Variants in COMMD10 observed in about 807,000 individuals in gnomAD.
COMMD10 encodes COMM domain-containing protein 10.
COMMD10 carries 33 observed loss-of-function variants against 28.9 expected under a neutral mutation model. The observed-to-expected ratio is 1.14, with a 90% CI of 0.87 to 1.53. The LOEUF is 1.53. Ranked by LOEUF, COMMD10 falls within the 40% of genes most tolerant of loss-of-function variation. The pLI, the probability that COMMD10 is intolerant of heterozygous loss-of-function variation, is 0.00. For synonymous variants in COMMD10, 110 were observed against 81.7 expected, an observed-to-expected ratio of 1.35 and a Z score of -1.87; for missense variants, 310 against 233.4, an observed-to-expected ratio of 1.33 and a Z score of -2.14.
intron 5 of COMMD10, among the ~76,000 whole-genome samples, chr5:116,155,668 A>G (rs551380181): frequency 4.1e-4 from 63 of 152,048 alleles, no homozygotes; most frequent in African/African-American, 1.5e-3. Context: ...GAATTCTAAC[A>G]TAGTTGTTTT....
chr5:116,119,041 T>C (rs1038712344), intron 4 of COMMD10, among the ~76,000 whole-genome samples: 8 of 152,234 alleles, frequency 5.3e-5, no homozygotes, highest in Non-Finnish European at 1.2e-4. Flanking sequence ...AGAACATTTG[T>C]TGAATGACAT....
chr5:116,175,149 C>T (rs1172900605), intron 5 of COMMD10, among the ~76,000 whole-genome samples: 2 of 152,036 alleles, frequency 1.3e-5, no homozygotes, highest in African/African-American at 2.4e-5. Context: ...CTTTCTATCT[C>T]CTTACCTTGT....
intron 2 of COMMD10, among the ~76,000 whole-genome samples, 158 bp from the exon 3 acceptor site, chr5:116,090,921 C>T (rs1054771889): frequency 6.6e-6 from 1 of 152,188 alleles, no homozygotes; most frequent in South Asian, 2.1e-4. Flanking sequence ...AAATGAGCAT[C>T]ATATGTTTTA....
At position 116,152,664 on chromosome 5, in the gene COMMD10, C is replaced by G. The variant is rs1211597195; in HGVS notation, c.510+18486C>G. On this transcript the variant is annotated intron_variant, in intron 5 of 6. Transcript: ENST00000274458. ...TAAAACATCTTTTAAAAATATGCTGCTAGTTACAGCATGGTCTTTTTTTAA... is the reference window on the plus strand; with the variant it reads ...TAAAACATCTTTTAAAAATATGCTGGTAGTTACAGCATGGTCTTTTTTTAA... 3.3e-5 allele frequency among the ~76,000 whole-genome samples: 5 copies of G among 151,752 alleles called. No individual in the cohort carries two copies. In the East Asian group the frequency reaches 7.9e-4, roughly 24 times the overall value.
At chr5:116,272,628 T>C (rs1350141666) in intron 5 of COMMD10, among the ~76,000 whole-genome samples, 2 of 151,836 alleles carry the variant, frequency 1.3e-5, no homozygotes, top group African/African-American at 4.9e-5. Flanking sequence ...ATCATACTGG[T>C]AATGCCATAT....
At chr5:116,123,274 A>G (rs1183541107) in intron 4 of COMMD10, among the ~76,000 whole-genome samples, 1 of 152,188 alleles carries the variant, frequency 6.6e-6, no homozygotes, top group Non-Finnish European at 1.5e-5. Flanking sequence ...TGATTTTAGC[A>G]TGAAGGGCTG....
At chr5:116,144,478 T>C (rs1483142845) in intron 5 of COMMD10, among the ~76,000 whole-genome samples, 1 of 147,442 alleles carries the variant, frequency 6.8e-6, no homozygotes, top group Non-Finnish European at 1.5e-5. Flanking sequence ...AAAGTGATGG[T>C]GCTATAATTT....
At chr5:116,153,205 A>C (rs1752594974) in intron 5 of COMMD10, among the ~76,000 whole-genome samples, 1 of 152,142 alleles carries the variant, frequency 6.6e-6, no homozygotes, top group Admixed American at 6.6e-5. Flanking sequence ...GATAAGTTTA[A>C]AAATACAAAT....
intron 5 of COMMD10, among the ~76,000 whole-genome samples, chr5:116,286,972 T>C (rs1042212571): frequency 7.9e-5 from 12 of 151,864 alleles, no homozygotes; most frequent in African/African-American, 2.4e-4. Context: ...ACTATTATTG[T>C]GTTGTTGTCA....
intron 5 of COMMD10, among the ~76,000 whole-genome samples, chr5:116,257,204 C>A (rs1750311953): frequency 7.4e-6 from 1 of 135,948 alleles, no homozygotes; most frequent in South Asian, 2.2e-4. Flanking sequence ...CACATAAGGC[C>A]ACTTACGGAA....
At position 116,156,646 on chromosome 5, in the gene COMMD10, T is replaced by C. The variant is rs564883055; in HGVS notation, c.510+22468T>C. 3.3e-5 allele frequency among the ~76,000 whole-genome samples: 5 copies of C among 152,318 alleles called. No individual in the cohort carries two copies. The South Asian group carries it at 1.0e-3, about 32-fold the overall frequency. ...TCTTTTAGTCTAGGTGGTATCACTTTGGCCAGTACAACTCTTAGAATTTTT... is the reference window on the plus strand; with the variant it reads ...TCTTTTAGTCTAGGTGGTATCACTTCGGCCAGTACAACTCTTAGAATTTTT... On this transcript the variant is annotated intron_variant, in intron 5 of 6. Coordinates refer to ENST00000274458, the MANE Select transcript of COMMD10 (RefSeq NM_016144.4).
intron 5 of COMMD10, among the ~76,000 whole-genome samples, chr5:116,266,449 A>T (rs1750586191): frequency 1.3e-5 from 2 of 151,740 alleles, no homozygotes; most frequent in South Asian, 4.1e-4. Context: ...AAAATATTGT[A>T]AAATATTTTA....
At chr5:116,113,825 G>A (rs576056490) in intron 4 of COMMD10, among the ~76,000 whole-genome samples, 97 of 151,908 alleles carry the variant, frequency 6.4e-4, no homozygotes, top group Non-Finnish European at 1.3e-3. Context: ...GAATTATTGT[G>A]TTCCTTTGAT....
intron 4 of COMMD10, among the ~76,000 whole-genome samples, chr5:116,116,713 T>C (rs1397408753): frequency 1.4e-5 from 2 of 143,216 alleles, no homozygotes; most frequent in African/African-American, 5.4e-5. Flanking sequence ...ATTTTTTTTT[T>C]TTTTTTTTTT....
At chr5:116,250,572 A>T (rs753024528) in intron 5 of COMMD10, among the ~76,000 whole-genome samples, 1 of 151,914 alleles carries the variant, frequency 6.6e-6, no homozygotes, top group Non-Finnish European at 1.5e-5. Context: ...AGGCATATAC[A>T]TAAAGGAATA....
At chr5:116,290,392 A>C in intron 5 of COMMD10, among the ~76,000 whole-genome samples, 1 of 148,400 alleles carries the variant, frequency 6.7e-6, no homozygotes, top group East Asian at 2.0e-4. Flanking sequence ...GATATATGAG[A>C]GAAAATGAAG....
intron 1 of COMMD10, among the ~76,000 whole-genome samples, chr5:116,085,803 C>T (rs895988616): frequency 6.6e-6 from 1 of 152,124 alleles, no homozygotes; most frequent in African/African-American, 2.4e-5. Flanking sequence ...AGTATATAGG[C>T]AAAATAGTGT....
rs573023390 is a variant in COMMD10 at position 116,125,752 on chromosome 5, T to C, written c.400-8316T>C. Reference sequence around the variant, plus strand: ...TTTTTGAAGGCTTTGTTCGTTTCTTTTTATTCTTTTTTCTCTAAACTTCTC... The same window carrying C: ...TTTTTGAAGGCTTTGTTCGTTTCTTCTTATTCTTTTTTCTCTAAACTTCTC... On this transcript the variant is annotated intron_variant, in intron 4 of 6. Coordinates refer to ENST00000274458, the MANE Select transcript of COMMD10 (RefSeq NM_016144.4). Among the ~76,000 whole-genome samples the C allele has an allele frequency of 6.6e-5, 10 of 152,248 alleles. No individual in the cohort carries two copies. In the South Asian group the frequency reaches 1.7e-3, roughly 25 times the overall value.
At chr5:116,097,406 A>G (rs1750505606) in intron 4 of COMMD10, among the ~76,000 whole-genome samples, 1 of 152,206 alleles carries the variant, frequency 6.6e-6, no homozygotes, top group South Asian at 2.1e-4. Flanking sequence ...ATGTACTTAT[A>G]AAATTGAGGC....
Sources: allele counts gnomAD v4.1 joint callset (sites outside exome capture counted in the v4.1 genomes callset), GRCh38; gene constraint gnomAD v4.1.1; transcripts MANE v1.5; gene names NCBI Gene and HGNC (gene_info 2026-07-23, HGNC 2026-07-21).